Variants in EPHA3 observed in about 807,000 individuals in gnomAD.
EPHA3 encodes EPH receptor A3.
A neutral mutation model predicts 107.1 loss-of-function variants in EPHA3; 42 were observed. That is an observed-to-expected ratio of 0.39 (90% confidence interval 0.31 to 0.51). EPHA3 has a LOEUF of 0.51. EPHA3 is among the 20% of genes least tolerant of loss of function. EPHA3 has a pLI of 0.78. For missense variants in EPHA3, 1,183 were observed against 1,211.2 expected, an observed-to-expected ratio of 0.98 and a Z score of 0.35; for synonymous variants, 461 against 424.8, an observed-to-expected ratio of 1.09 and a Z score of -1.05.
intron 10 of EPHA3, among the ~76,000 whole-genome samples, chr3:89,414,839 G>A (rs1318061765): frequency 6.6e-6 from 1 of 151,478 alleles, no homozygotes; most frequent in African/African-American, 2.4e-5. Context: ...GATAAGGGGA[G>A]GTCTATTTAT....
chr3:89,319,386 G>A (rs1216698839), intron 3 of EPHA3, among the ~76,000 whole-genome samples: 1 of 151,906 alleles, frequency 6.6e-6, no homozygotes, highest in African/African-American at 2.4e-5. Context: ...TTTTGTATTA[G>A]GCAGTATTAG....
At position 89,177,054 on chromosome 3, in the gene EPHA3, T is replaced by C. The variant is rs1354129216; in HGVS notation, c.154-32806T>C. 2.6e-5 allele frequency among the ~76,000 whole-genome samples: 4 copies of C among 152,056 alleles called. No individual in the cohort carries two copies. In the South Asian group the frequency reaches 8.3e-4, roughly 32 times the overall value. On this transcript the variant is annotated intron_variant, in intron 2 of 16. Coordinates refer to ENST00000336596, the MANE Select transcript of EPHA3 (RefSeq NM_005233.6). ...ACCAAACGCTTACTTATATGTAGCA[T>C]AGCATAAAGGGTTCACTCTGCGTGT... is the stretch of plus-strand genomic sequence containing the variant.
chr3:89,351,053 G>T (rs1464183027), intron 5 of EPHA3, among the ~76,000 whole-genome samples: 1 of 151,382 alleles, frequency 6.6e-6, no homozygotes, highest in African/African-American at 2.4e-5. Flanking sequence ...GTCTGCAGAG[G>T]TTACTGCTGT....
chr3:89,233,606 G>A (rs550932367), intron 3 of EPHA3, among the ~76,000 whole-genome samples: 72 of 152,312 alleles, frequency 4.7e-4, no homozygotes, highest in African/African-American at 1.7e-3. Context: ...AAGACTGCAA[G>A]GGGAGAGTGA....
At chr3:89,229,592 TAAG>T (rs1262116550) in intron 3 of EPHA3, among the ~76,000 whole-genome samples, 9 of 151,290 alleles carry the variant, frequency 5.9e-5, no homozygotes, top group Non-Finnish European at 1.2e-4. Context: ...ATAATTATAA[TAAG>T]AAAATTTAGG....
chr3:89,181,886 C>T (rs1705451094), intron 2 of EPHA3, among the ~76,000 whole-genome samples: 2 of 151,898 alleles, frequency 1.3e-5, no homozygotes, highest in African/African-American at 2.4e-5. Context: ...AATCATTATT[C>T]CTTGGCAAAA....
chr3:89,391,435 T>G (rs2107498923), intron 5 of EPHA3, among the ~76,000 whole-genome samples: 1 of 144,762 alleles, frequency 6.9e-6, no homozygotes, highest in East Asian at 1.9e-4. Flanking sequence ...TTTTTTTTTT[T>G]TTTGAGATGG....
At chr3:89,299,120 T>C (rs994972328) in intron 3 of EPHA3, among the ~76,000 whole-genome samples, 1 of 152,136 alleles carries the variant, frequency 6.6e-6, no homozygotes, top group Non-Finnish European at 1.5e-5. Flanking sequence ...AGTTTGTCTT[T>C]TTATATAAAG....
At chr3:89,153,434 C>T (rs1704730478) in intron 2 of EPHA3, among the ~76,000 whole-genome samples, 1 of 151,938 alleles carries the variant, frequency 6.6e-6, no homozygotes, top group African/African-American at 2.4e-5. Flanking sequence ...AGTTGTTTTC[C>T]TCTTTTTCTT....
At chr3:89,230,412 G>A (rs1704601865) in intron 3 of EPHA3, among the ~76,000 whole-genome samples, 11 of 152,068 alleles carry the variant, frequency 7.2e-5, no homozygotes, top group Admixed American at 7.2e-4. Flanking sequence ...GGAAGTACAT[G>A]GTTCAGGCCA....
At chr3:89,349,600 C>A (rs1231174882) in intron 5 of EPHA3, among the ~76,000 whole-genome samples, 36 of 137,978 alleles carry the variant, frequency 2.6e-4, no homozygotes, top group Middle Eastern at 4.2e-3. Context: ...TTAATTGGAG[C>A]ATTTAGTCCA....
chr3:89,189,141 G>A lies in EPHA3; in HGVS notation c.154-20719G>A, dbSNP rs535813553. Among the ~76,000 whole-genome samples, 100 of 152,304 alleles carry A rather than the reference G, an allele frequency of 6.6e-4. 1 individual carries two copies. Among genetic ancestry groups the A allele is most frequent in the Admixed American group, 3.9e-3 (60 of 15,292 alleles). The stretch of plus-strand genomic sequence containing the variant: ...GAATAAATTTTAGTCTTTCTCAGGA[G>A]TATGAAGAGGACTAAATGGGAAGGA... On this transcript the variant is annotated intron_variant, in intron 2 of 16. Transcript: ENST00000336596.
At chr3:89,353,601 C>T (rs1707880939) in intron 5 of EPHA3, among the ~76,000 whole-genome samples, 1 of 151,254 alleles carries the variant, frequency 6.6e-6, no homozygotes, top group Non-Finnish European at 1.5e-5. Context: ...ACCTGTGCAT[C>T]TGGGAATGTC....
chr3:89,209,065 G>T (rs1383767942), intron 2 of EPHA3, among the ~76,000 whole-genome samples: 1 of 152,118 alleles, frequency 6.6e-6, no homozygotes, highest in African/African-American at 2.4e-5. Context: ...GTGCTTCACT[G>T]TTCTCAAAAG....
chr3:89,413,118 C>CCTTT, intron 9 of EPHA3, 23 bp from the exon 10 acceptor site: 2 of 1,609,528 alleles, frequency 1.2e-6, no homozygotes, highest in South Asian at 2.2e-5. Context: ...TACAATTGCG[C>CCTTT]CTTTCTTTCT....
rs1203604011 is a variant in EPHA3, at chr3:89,408,123, A to G, written c.1754A>G (p.Asn585Ser). The change falls in exon 9 of 17, where the codon AAT (asparagine) becomes AGT (serine). Residue 585 changes from asparagine (N) to serine (S), a missense_variant. Physicochemically the swap from Asn to Ser is conservative, Grantham distance 46. Transcript: ENST00000336596. ...GADEKRLHFG[N>S]GHLKLPGLRT... ...GATGAAAAAAGACTTCATTTTGGCA[A>G]TGGGCATTGTAAGTTTCTAAACTTG... The G allele has an allele frequency of 1.9e-6, 3 of 1,612,758 alleles. No homozygotes were observed. Among genetic ancestry groups the G allele is most frequent in the Non-Finnish European group, 2.5e-6 (3 of 1,179,018 alleles).
Position 89,296,133 on chromosome 3 carries a change from G to A in EPHA3, c.815-44783G>A, listed in dbSNP as rs754158381. Among the ~76,000 whole-genome samples, 7 of 152,080 alleles carry A rather than the reference G, an allele frequency of 4.6e-5. 1 individual carries two copies. Among genetic ancestry groups the A allele is most frequent in the Admixed American group, 2.6e-4 (4 of 15,260 alleles). On this transcript the variant is annotated intron_variant, in intron 3 of 16. Transcript: ENST00000336596. ...TTAAATCCCTCTATGTCATCCATAA[G>A]GATTGGAATCAACTTCTTCCAAACT...
At chr3:89,127,887 T>C (rs546207311) in intron 2 of EPHA3, among the ~76,000 whole-genome samples, 1 of 152,094 alleles carries the variant, frequency 6.6e-6, no homozygotes, top group African/African-American at 2.4e-5. Context: ...TGTAGCATAT[T>C]GGTGTTCTGA....
intron 15 of EPHA3, among the ~76,000 whole-genome samples, chr3:89,454,251 C>T (rs1218664648): frequency 6.6e-6 from 1 of 152,152 alleles, no homozygotes; most frequent in African/African-American, 2.4e-5. Context: ...TAACACTCTT[C>T]ACAGCCAAAC....
Sources: gnomAD v4.1 joint callset for allele counts (sites outside exome capture counted in the v4.1 genomes callset) on GRCh38, gnomAD v4.1.1 for gene constraint, MANE v1.5 for transcripts, NCBI Gene and HGNC (gene_info 2026-07-23, HGNC 2026-07-21) for gene names.